C12orf42: variants seen among roughly 807,000 people sequenced by gnomAD.
C12orf42 encodes the protein chromosome 12 open reading frame 42, also known as uncharacterized protein C12orf42.
A neutral mutation model predicts 21.6 loss-of-function variants in C12orf42; 25 were observed. The observed-to-expected ratio is 1.16, with a 90% CI of 0.84 to 1.62. The LOEUF (loss-of-function observed/expected upper bound fraction) is 1.62. Ranked by LOEUF, C12orf42 falls within the 40% of genes most tolerant of loss-of-function variation. The pLI, the probability that C12orf42 is intolerant of heterozygous loss-of-function variation, is 0.00. For synonymous variants in C12orf42, 174 were observed against 175.0 expected (o/e 0.99, Z 0.05); for missense variants, 483 against 459.3 (o/e 1.05, Z -0.47).
chr12:103,080,576 C>T, the C12orf42 span, among the ~76,000 whole-genome samples: 1 of 152,134 alleles, frequency 6.6e-6, no homozygotes, highest in African/African-American at 2.4e-5. Context: ...ATTCTTGTCA[C>T]TTAAAATTTA....
the C12orf42 span, among the ~76,000 whole-genome samples, chr12:103,158,852 C>T: frequency 6.9e-6 from 1 of 145,314 alleles, no homozygotes; most frequent in Non-Finnish European, 1.5e-5. Flanking sequence ...TGCACTCCAG[C>T]CTGAGCAAAA....
the C12orf42 span, chr12:103,151,837 T>C: frequency 6.6e-6 from 1 of 152,176 alleles, no homozygotes; most frequent in Non-Finnish European, 1.5e-5. Context: ...TCTTATTGAG[T>C]GTGGGCAAAA....
intron 2 of C12orf42, among the ~76,000 whole-genome samples, chr12:103,413,581 C>A (rs2138961208): frequency 6.6e-6 from 1 of 152,062 alleles, no homozygotes; most frequent in African/African-American, 2.4e-5. Context: ...GCATCCATTA[C>A]CTGAGCAGTG....
the C12orf42 span, among the ~76,000 whole-genome samples, chr12:103,138,400 C>T: frequency 3.3e-5 from 5 of 152,068 alleles, no homozygotes; most frequent in Non-Finnish European, 7.4e-5. Flanking sequence ...AGCTCTTCTC[C>T]CTTTGCTCGC....
chr12:103,259,921 T>C (rs752995809), intron 10 of C12orf42, among the ~76,000 whole-genome samples: 2 of 152,182 alleles, frequency 1.3e-5, no homozygotes, highest in African/African-American at 2.4e-5. Context: ...TTTAGAACAG[T>C]TAAATAACTT....
intron 5 of C12orf42, chr12:103,270,147 A>C (rs1301538485): frequency 6.6e-6 from 1 of 152,142 alleles, no homozygotes; most frequent in African/African-American, 2.4e-5. Context: ...GCAAATACTT[A>C]CAGTACAACA....
intron 3 of C12orf42, among the ~76,000 whole-genome samples, chr12:103,395,267 A>G (rs181984514): frequency 6.6e-6 from 1 of 152,228 alleles, no homozygotes; most frequent in East Asian, 1.9e-4. Flanking sequence ...ATACATTTTC[A>G]AGAAGTTGGC....
the C12orf42 span, among the ~76,000 whole-genome samples, chr12:103,520,851 C>T: frequency 2.0e-5 from 3 of 152,214 alleles, no homozygotes; most frequent in Non-Finnish European, 2.9e-5. Context: ...CCTGTTACTA[C>T]ATGATGGACT....
At chr12:103,522,309 A>C in the C12orf42 span, among the ~76,000 whole-genome samples, 125 of 152,250 alleles carry the variant, frequency 8.2e-4, 1 homozygote, top group African/African-American at 2.8e-3. Flanking sequence ...AGGTCTCCCC[A>C]GCCATGTGGA....
chr12:103,476,540 C>G (rs1954065176), intron 2 of C12orf42, among the ~76,000 whole-genome samples: 1 of 152,168 alleles, frequency 6.6e-6, no homozygotes, highest in African/African-American at 2.4e-5. Context: ...TCCTGATAGC[C>G]AAGAGGCCAA....
chr12:103,214,506 T>C, the C12orf42 span, among the ~76,000 whole-genome samples: 2 of 152,092 alleles, frequency 1.3e-5, no homozygotes, highest in Non-Finnish European at 2.9e-5. Flanking sequence ...CGCACGGAGA[T>C]CTGGTTTATC....
chr12:103,479,113 A>G (rs1212529049), intron 1 of C12orf42, among the ~76,000 whole-genome samples: 5 of 152,132 alleles, frequency 3.3e-5, no homozygotes, highest in African/African-American at 1.2e-4. Context: ...TTCAGGAGTT[A>G]TTAGGATTTG....
intron 1 of C12orf42, among the ~76,000 whole-genome samples, chr12:103,483,238 T>C (rs1340943356): frequency 1.1e-4 from 16 of 152,150 alleles, no homozygotes. Flanking sequence ...GCGTGTAGGT[T>C]AATCAGTTGT....
chr12:103,329,449 A>G (rs1428631965), intron 4 of C12orf42, among the ~76,000 whole-genome samples: 1 of 152,130 alleles, frequency 6.6e-6, no homozygotes, highest in Non-Finnish European at 1.5e-5. Flanking sequence ...TAAAACCTAG[A>G]CAACAGATTG....
At chr12:103,231,701 C>T in the C12orf42 span, among the ~76,000 whole-genome samples, 2 of 152,134 alleles carry the variant, frequency 1.3e-5, no homozygotes, top group Non-Finnish European at 2.9e-5. Context: ...GTCTGTTTAT[C>T]TGTTCATCTA....
intron 3 of C12orf42, among the ~76,000 whole-genome samples, chr12:103,374,540 G>A (rs535657983): frequency 1.8e-4 from 28 of 152,262 alleles, no homozygotes; most frequent in South Asian, 8.3e-4. Flanking sequence ...GGTGTCAAGA[G>A]ATCTGTATTT....
At chr12:103,223,072 T>C in the C12orf42 span, among the ~76,000 whole-genome samples, 1 of 152,124 alleles carries the variant, frequency 6.6e-6, no homozygotes, top group South Asian at 2.1e-4. Context: ...TGTATAAAAA[T>C]AATTACTCTT....
At chr12:103,133,311 C>A in the C12orf42 span, among the ~76,000 whole-genome samples, 65 of 152,278 alleles carry the variant, frequency 4.3e-4, no homozygotes, top group Admixed American at 3.2e-3. Context: ...GACACACCCA[C>A]TTCCCAGAAG....
intron 2 of C12orf42, among the ~76,000 whole-genome samples, chr12:103,474,237 G>A (rs1483806014): frequency 6.6e-6 from 1 of 152,162 alleles, no homozygotes; most frequent in Non-Finnish European, 1.5e-5. Context: ...GTAAAGAGAA[G>A]AGAAAGTGAA....
Sources: gnomAD v4.1 joint callset for allele counts (sites outside exome capture counted in the v4.1 genomes callset) on GRCh38, gnomAD v4.1.1 for gene constraint, MANE v1.5 for transcripts, NCBI Gene and HGNC (gene_info 2026-07-23, HGNC 2026-07-21) for gene names.